The following CASP5 variants were observed in gnomAD, a reference collection of about 807,000 sequenced individuals.
The protein encoded by CASP5 is caspase-5.
CASP5 carries 42 observed loss-of-function variants against 45.2 expected under a neutral mutation model. The observed-to-expected ratio is 0.93, with a 90% CI of 0.73 to 1.20. The LOEUF (loss-of-function observed/expected upper bound fraction) is 1.20, where lower values mean the gene tolerates loss of function less well. CASP5 is among the 50% of genes most tolerant of loss of function. The pLI, the probability that CASP5 is intolerant of heterozygous loss-of-function variation, is 0.00. For missense variants in CASP5, 512 were observed against 532.2 expected, an observed-to-expected ratio of 0.96 and a Z score of 0.37; for synonymous variants, 209 against 186.2, an observed-to-expected ratio of 1.12 and a Z score of -1.00.
At chr11:105,017,004 C>T (rs1275518472) in intron 1 of CASP5, among the ~76,000 whole-genome samples, 1 of 130,664 alleles carries the variant, frequency 7.7e-6, no homozygotes, top group Non-Finnish European at 1.5e-5. Flanking sequence ...GACTCCTGAC[C>T]CCCCGAGCAG....
rs2282657 is a variant in CASP5, at chr11:105,007,076, A to G, written c.433+7T>C. 0.34 allele frequency: 546,055 copies of G among 1,605,060 alleles called. 96,807 individuals are homozygous for G. The highest frequency in any genetic ancestry group is 0.59 in the African/African-American group (43,692 of 74,478). On this transcript the variant is annotated splice_region_variant and intron_variant, in intron 3 of 9. Coordinates refer to ENST00000260315, the MANE Select transcript of CASP5 (RefSeq NM_004347.5). Reference sequence around the variant, plus strand: ...TAACATATTTATCGTGTTAGATGCAACCTTACGTTTTACACTGGTGATCTT... The same window carrying G: ...TAACATATTTATCGTGTTAGATGCAGCCTTACGTTTTACACTGGTGATCTT...
At chr11:105,016,996 C>A (rs1300338034) in intron 1 of CASP5, among the ~76,000 whole-genome samples, 18 of 147,906 alleles carry the variant, frequency 1.2e-4, no homozygotes, top group Non-Finnish European at 1.5e-5. Context: ...GGGTCCCTGA[C>A]TCCTGACCCC....
intron 1 of CASP5, among the ~76,000 whole-genome samples, chr11:105,017,499 C>T (rs900021088): frequency 5.3e-5 from 8 of 151,774 alleles, no homozygotes; most frequent in African/African-American, 1.7e-4. Context: ...TCGAGAACTA[C>T]GTGAAGAATG....
chr11:105,005,590 T>C (rs1861964656), intron 3 of CASP5, among the ~76,000 whole-genome samples: 1 of 152,086 alleles, frequency 6.6e-6, no homozygotes, highest in African/African-American at 2.4e-5. Flanking sequence ...CTGGGATCGA[T>C]CATTCTGGAG....
At chr11:105,020,891 C>T (rs1334903331) in intron 1 of CASP5, among the ~76,000 whole-genome samples, 1 of 152,096 alleles carries the variant, frequency 6.6e-6, no homozygotes, top group Non-Finnish European at 1.5e-5. Flanking sequence ...AGGCATCACA[C>T]TACCTGACTT....
chr11:105,023,070 A>T lies in CASP5; in HGVS notation c.7+60T>A, dbSNP rs934716749. On this transcript the variant is annotated intron_variant, in intron 1 of 9. Transcript: ENST00000260315. ...ATTTCTGCCTGTCACATAGCAATAAATCAAGATTTTTCTAAGACCTGAGTA... is the reference window on the plus strand; with the variant it reads ...ATTTCTGCCTGTCACATAGCAATAATTCAAGATTTTTCTAAGACCTGAGTA... 13 of 1,511,454 alleles carry T rather than the reference A, an allele frequency of 8.6e-6. 1 individual carries two copies. The highest frequency in any genetic ancestry group is 1.2e-5 in the Non-Finnish European group (13 of 1,110,734). The allele number at this position is 1,511,454 out of a possible 1,614,324, so 93.6% of individuals were successfully genotyped here.
chr11:105,011,773 A>G (rs1229780253), intron 1 of CASP5, among the ~76,000 whole-genome samples: 2 of 151,778 alleles, frequency 1.3e-5, no homozygotes, highest in Non-Finnish European at 3.0e-5. Context: ...ACTATAAAAC[A>G]TTGACAGAAG....
chr11:104,996,845 A>G (rs993305368), intron 8 of CASP5, among the ~76,000 whole-genome samples: 1 of 152,174 alleles, frequency 6.6e-6, no homozygotes, highest in Non-Finnish European at 1.5e-5. Context: ...TTGGGCAAGG[A>G]GTAGCAAACC....
rs1439799066 is a variant in CASP5 at position 104,995,746 on chromosome 11, A to C, written c.1303T>G (p.Ter435GlyextTer2). Residue 435 changes from the stop codon to glycine, a stop_lost, in exon 9 of 10, where the codon TGA becomes GGA. Coordinates refer to ENST00000260315, the MANE Select transcript of CASP5 (RefSeq NM_004347.5). ...TRDFYLFPGN[*>G] ...AACAACTCTCAATACTTACATTTTC[A>C]ATTGCCAGGAAAGAGGTAGAAATCT... 2 of 1,601,548 alleles carry C rather than the reference A, an allele frequency of 1.2e-6. No individual in the cohort carries two copies. The highest frequency in any genetic ancestry group is 8.6e-7 in the Non-Finnish European group (1 of 1,169,456).
intron 1 of CASP5, among the ~76,000 whole-genome samples, chr11:105,011,753 T>C (rs1205015569): frequency 6.6e-6 from 1 of 151,730 alleles, no homozygotes; most frequent in Non-Finnish European, 1.5e-5. Context: ...TAAAGATGTA[T>C]ATACTCATAA....
intron 4 of CASP5, 53 bp from the exon 5 acceptor site, chr11:105,002,254 C>T (rs544211): frequency 1 from 1,574,071 of 1,575,654 alleles, 786,261 homozygotes; most frequent in East Asian, 1. Context: ...CTTTTCAACC[C>T]CCATATGCCT....
chr11:105,018,463 T>C (rs1487590290), intron 1 of CASP5, among the ~76,000 whole-genome samples: 53 of 151,896 alleles, frequency 3.5e-4, no homozygotes, highest in Admixed American at 3.1e-3. Flanking sequence ...GAGGAAGATC[T>C]GCCAAGCAAA....
rs184977431 is a variant in CASP5, at chr11:105,015,201, C to A, written c.8-6221G>T. Among the ~76,000 whole-genome samples, 8 of 152,272 alleles carry A rather than the reference C, an allele frequency of 5.3e-5. No individual in the cohort carries two copies. The East Asian group carries it at 1.5e-3, about 29-fold the overall frequency. Reference sequence around the variant, plus strand: ...GCCAACCTAGATTCACTCTTCTCAACAGACATTAGACCAAAAGAAAATTTC... The same window carrying A: ...GCCAACCTAGATTCACTCTTCTCAAAAGACATTAGACCAAAAGAAAATTTC... On this transcript the variant is annotated intron_variant, in intron 1 of 9. Transcript: ENST00000260315.
At chr11:105,012,295 A>C (rs1210791764) in intron 1 of CASP5, among the ~76,000 whole-genome samples, 5 of 151,870 alleles carry the variant, frequency 3.3e-5, no homozygotes, top group Middle Eastern at 3.2e-3. Context: ...AAATGGATTA[A>C]AAACATAAGC....
At chr11:105,009,808 CACACACAT>C (rs1565388335) in intron 1 of CASP5, among the ~76,000 whole-genome samples, 26 of 97,202 alleles carry the variant, frequency 2.7e-4, no homozygotes, top group Admixed American at 5.0e-4. Flanking sequence ...TATATATATA[CACACACAT>C]ATATATATAC....
At chr11:104,997,757 A>T (rs1861531880) in intron 7 of CASP5, among the ~76,000 whole-genome samples, 1 of 152,302 alleles carries the variant, frequency 6.6e-6, no homozygotes, top group East Asian at 1.9e-4. Flanking sequence ...CCTCATGTTC[A>T]TTCACTTTGC....
chr11:105,000,943 C>T (rs763450131), intron 5 of CASP5, among the ~76,000 whole-genome samples: 2 of 152,184 alleles, frequency 1.3e-5, no homozygotes, highest in Non-Finnish European at 1.5e-5. Flanking sequence ...TCTAGTCACA[C>T]TGATCTGTTG....
intron 1 of CASP5, among the ~76,000 whole-genome samples, chr11:105,012,027 A>T (rs1437824148): frequency 6.6e-6 from 1 of 151,836 alleles, no homozygotes; most frequent in Non-Finnish European, 1.5e-5. Context: ...ACACAACCTG[A>T]CTTTAAAACA....
chr11:105,006,027 T>G (rs959805046), intron 3 of CASP5, among the ~76,000 whole-genome samples: 4 of 152,156 alleles, frequency 2.6e-5, no homozygotes, highest in Non-Finnish European at 5.9e-5. Context: ...TTGCTTTATG[T>G]TCATGATCGT....
Sources: allele counts gnomAD v4.1 joint callset (sites outside exome capture counted in the v4.1 genomes callset), GRCh38; gene constraint gnomAD v4.1.1; transcripts MANE v1.5; gene names NCBI Gene and HGNC (gene_info 2026-07-23, HGNC 2026-07-21).